The following FBXO24 variants were observed in gnomAD, a reference collection of about 807,000 sequenced individuals.
The protein encoded by FBXO24 is F-box only protein 24.
FBXO24 carries 30 observed loss-of-function variants against 63.5 expected under a neutral mutation model. The observed-to-expected ratio is 0.47, with a 90% confidence interval of 0.35 to 0.64. The LOEUF (loss-of-function observed/expected upper bound fraction) is 0.64. FBXO24 is among the 30% of genes least tolerant of loss of function. The pLI is 0.00. For synonymous variants in FBXO24, 300 were observed against 305.0 expected, an observed-to-expected ratio of 0.98 and a Z score of 0.17; for missense variants, 624 against 763.4, an observed-to-expected ratio of 0.82 and a Z score of 2.15.
Position 100,586,649 on chromosome 7 carries a change from G to C in FBXO24, c.24G>C (p.Leu8Phe), listed in dbSNP as rs1801766949. ...GCATGGGCGAGAAGGCGGTCCCTTT[G>C]CTAAGGAGGAGGCGGGTGAGCTAGA... MGEKAVP[L>F]LRRRRVKRSC... Residue 8 changes from leucine to phenylalanine, a missense_variant, in exon 1 of 10, where the codon TTG becomes TTC. Leu to Phe is a conservative substitution (Grantham distance 22). This residue lies in a region of FBXO24 where 391 missense variants were observed against 469.1 expected (regional missense o/e 0.83). Coordinates refer to ENST00000241071, the MANE Select transcript of FBXO24 (RefSeq NM_033506.3). The C allele has an allele frequency of 1.2e-6, 2 of 1,614,228 alleles. No individual in the cohort carries two copies. The highest frequency in any genetic ancestry group is 1.7e-6 in the Non-Finnish European group (2 of 1,180,018).
chr7:100,595,059 T>C (rs991055920), intron 6 of FBXO24, 43 bp from the exon 7 acceptor site: 2 of 1,609,932 alleles, frequency 1.2e-6, no homozygotes, highest in African/African-American at 2.7e-5. Flanking sequence ...CCCTAGGAAA[T>C]GGGTGCCCAA....
In FBXO24 at chr7:100,600,509, T is replaced by C. The variant is rs1409006438; in HGVS notation, c.1378-25T>C. 1.3e-6 allele frequency: 2 copies of C among 1,530,252 alleles called. No individual in the cohort carries two copies. The highest frequency in any genetic ancestry group is 4.5e-5 in the East Asian group (2 of 44,210). The allele number at this position is 1,530,252 out of a possible 1,614,324, so 94.8% of individuals were successfully genotyped here. The stretch of plus-strand genomic sequence containing the variant: ...CTGCAAGGAAAGCACCACTCAGCCA[T>C]GCCCCCTTTCTCTCCTCCTCCAAGG... On this transcript the variant is annotated intron_variant, in intron 9 of 9. Coordinates refer to ENST00000241071, the MANE Select transcript of FBXO24 (RefSeq NM_033506.3). The surrounding 1 kb of genome is among the most constrained non-coding windows in gnomAD (Gnocchi z 6.3).
chr7:100,599,967 T>TTC, intron 8 of FBXO24, 64 bp from the exon 9 acceptor site: 1 of 1,496,760 alleles, frequency 6.7e-7, no homozygotes. Flanking sequence ...GTCAACCTTT[T>TTC]CCCACCCCAG....
chr7:100,597,913 C>T lies in FBXO24; in HGVS notation c.1207-2118C>T, dbSNP rs1467545775. Among the ~76,000 whole-genome samples the T allele has an allele frequency of 3.5e-5, 5 of 143,420 alleles. No homozygotes were observed. In the Admixed American group the frequency reaches 3.5e-4, roughly 10 times the overall value. The allele number at this position is 143,420 out of a possible 152,430, so 94.1% of individuals were successfully genotyped here. Reference sequence around the variant, plus strand: ...TTTTTGTTTTTTTTTTTTTTAGAGACAGGGTCTTGCTATGTTGCCCAAGCT... The same window carrying T: ...TTTTTGTTTTTTTTTTTTTTAGAGATAGGGTCTTGCTATGTTGCCCAAGCT... On this transcript the variant is annotated intron_variant, in intron 8 of 9. Transcript: ENST00000241071.
In FBXO24 at chr7:100,599,820, A is replaced by G. The variant is rs556773084; in HGVS notation, c.1207-211A>G. ...CTGATTTTCTGGGGGCATAGATGAGATACCAACAGAAGTGCAAGACCCTAT... is the reference window on the plus strand; with the variant it reads ...CTGATTTTCTGGGGGCATAGATGAGGTACCAACAGAAGTGCAAGACCCTAT... On this transcript the variant is annotated intron_variant, in intron 8 of 9. Transcript: ENST00000241071. The G allele has an allele frequency of 3.2e-4, 183 of 578,706 alleles. No homozygotes were observed. In the African/African-American group the frequency reaches 3.3e-3, roughly 10 times the overall value. 35.8% of individuals were successfully genotyped at this position (578,706 alleles called of 1,614,324 possible).
intron 8 of FBXO24, among the ~76,000 whole-genome samples, chr7:100,596,934 C>T (rs969333254): frequency 4.0e-5 from 6 of 151,870 alleles, no homozygotes; most frequent in Non-Finnish European, 7.4e-5. Flanking sequence ...CCCAGCTACT[C>T]GGGAGTCTGA....
rs57249602 is a variant in FBXO24, at chr7:100,595,856, C to A, written c.1206+150C>A. On this transcript the variant is annotated intron_variant, in intron 8 of 9. Coordinates refer to ENST00000241071, the MANE Select transcript of FBXO24 (RefSeq NM_033506.3). ...CAGTATGTAATGCCAGTGGTACTAC[C>A]CCATGTCTTACCCAGGGTTGGCACT... The A allele has an allele frequency of 1.4e-3, 1,556 of 1,100,890 alleles. 25 individuals are homozygous for A. In the African/African-American group the frequency reaches 0.023, roughly 16 times the overall value. 68.2% of individuals were successfully genotyped at this position (1,100,890 alleles called of 1,614,324 possible).
chr7:100,586,880 C>T (rs1310286593), intron 1 of FBXO24: 8 of 440,148 alleles, frequency 1.8e-5, no homozygotes, highest in Non-Finnish European at 3.1e-5. Context: ...ACTGTGAAGC[C>T]TCTGGCAGGG....
At chr7:100,591,602 A>C (rs1222767238) in intron 3 of FBXO24, 65 bp from the exon 4 acceptor site, 1 of 1,490,062 alleles carries the variant, frequency 6.7e-7, no homozygotes, top group Non-Finnish European at 9.3e-7. Flanking sequence ...AATCTACCCA[A>C]GCTCCAACTC....
intron 8 of FBXO24, among the ~76,000 whole-genome samples, chr7:100,597,521 C>A (rs1478260366): frequency 2.6e-5 from 4 of 151,898 alleles, no homozygotes; most frequent in African/African-American, 9.7e-5. Flanking sequence ...CCTCAGCCTG[C>A]CAAGATGGGA....
intron 1 of FBXO24, among the ~76,000 whole-genome samples, chr7:100,587,273 C>A (rs990140816): frequency 1.3e-5 from 2 of 151,806 alleles, no homozygotes; most frequent in African/African-American, 4.8e-5. Flanking sequence ...TTCCTCCCTC[C>A]CTCCCTCTCC....
rs1801951488 is a variant in FBXO24 at position 100,590,285 on chromosome 7, C to T, written c.250C>T (p.Arg84Cys). The T allele has an allele frequency of 3.1e-6, 5 of 1,614,196 alleles. No homozygotes were observed. Among genetic ancestry groups the T allele is most frequent in the Non-Finnish European group, 3.4e-6 (4 of 1,180,030 alleles). The change falls in exon 3 of 10, where the codon CGC becomes TGC. Residue 84 changes from arginine to cysteine, a missense_variant. Arg to Cys is a radical substitution (Grantham distance 180). Around this residue, in one of 3 missense-constraint regions of FBXO24, gnomAD observed 391 missense variants for 469.1 expected, o/e 0.83. Coordinates refer to ENST00000241071, the MANE Select transcript of FBXO24 (RefSeq NM_033506.3). ...DGEGVWRRIC[R>C]RLSPRLQDQG... ...GGAAGGCGTGTGGAGACGCATCTGT[C>T]GCAGACTCAGTCCGCGCCTCCAAGA... is the stretch of plus-strand genomic sequence containing the variant.
chr7:100,591,364 C>G (rs1358755972), intron 3 of FBXO24, among the ~76,000 whole-genome samples: 1 of 152,042 alleles, frequency 6.6e-6, no homozygotes, highest in Non-Finnish European at 1.5e-5. Flanking sequence ...CCGCACGCAG[C>G]CTCTGTGTCT....
rs1053840208 is a variant in FBXO24 at position 100,586,480 on chromosome 7, G to C, written c.-146G>C. 3 of 831,170 alleles carry C rather than the reference G, an allele frequency of 3.6e-6. No homozygotes were observed. Among genetic ancestry groups the C allele is most frequent in the Non-Finnish European group, 5.9e-6 (3 of 506,544 alleles). 51.5% of individuals were successfully genotyped at this position (831,170 alleles called of 1,614,324 possible). A position where few individuals can be genotyped will look rare whatever the true frequency, so the allele number is the denominator to read the frequency against. On this transcript the variant is annotated 5_prime_UTR_variant, in exon 1 of 10. Transcript: ENST00000241071. ...TAGCAGGAAAACGGGCCGAGGGACC[G>C]CAAGCAGGGGGTGCCTAGTCCTCGT...
rs149880870 is a variant in FBXO24, at chr7:100,589,548, G to C, written c.40-429G>C. On this transcript the variant is annotated intron_variant, in intron 1 of 9. Coordinates refer to ENST00000241071, the MANE Select transcript of FBXO24 (RefSeq NM_033506.3). Reference sequence around the variant, plus strand: ...ACAGGTCACAGTGGCCAAACAGTGAGGTCACAGAGAGGTTTGTTAGCCCCA... The same window carrying C: ...ACAGGTCACAGTGGCCAAACAGTGACGTCACAGAGAGGTTTGTTAGCCCCA... The C allele has an allele frequency of 1.4e-4, 192 of 1,415,966 alleles. 1 individual carries two copies. The East Asian group carries it at 4.9e-3, about 36-fold the overall frequency. 87.7% of individuals were successfully genotyped at this position (1,415,966 alleles called of 1,614,324 possible).
chr7:100,598,522 A>G (rs1251476899), intron 8 of FBXO24, among the ~76,000 whole-genome samples: 1 of 152,132 alleles, frequency 6.6e-6, no homozygotes, highest in African/African-American at 2.4e-5. Context: ...TGCTGGATAG[A>G]CTGGCTGTGG....
chr7:100,594,265 T>C lies in FBXO24; in HGVS notation c.794-118T>C. 8.7e-7 allele frequency: 1 copy of C among 1,148,376 alleles called. No individual in the cohort carries two copies. The highest frequency in any genetic ancestry group is 1.2e-6 in the Non-Finnish European group (1 of 825,104). 71.1% of individuals were successfully genotyped at this position (1,148,376 alleles called of 1,614,324 possible). On this transcript the variant is annotated intron_variant, in intron 5 of 9. Transcript: ENST00000241071. This position sits in a 1 kb window ranked among gnomAD's most constrained non-coding sequence, Gnocchi z 4.2. The stretch of plus-strand genomic sequence containing the variant: ...TGGGGTCACTCTTCCCTTATTTCTT[T>C]CTCAGCCCCACTCTAGGGCAGTAAA...
At chr7:100,598,414 G>A (rs1584433600) in intron 8 of FBXO24, among the ~76,000 whole-genome samples, 1 of 152,108 alleles carries the variant, frequency 6.6e-6, no homozygotes, top group African/African-American at 2.4e-5. Context: ...GAATGAGGGG[G>A]CAGAAGACGC....
chr7:100,593,341 C>T (rs527519810), intron 5 of FBXO24, among the ~76,000 whole-genome samples: 31 of 151,880 alleles, frequency 2.0e-4, no homozygotes, highest in Admixed American at 7.2e-4. Context: ...CTAAAAAATA[C>T]AAAAATTAGG....
Sources: allele counts gnomAD v4.1 joint callset (sites outside exome capture counted in the v4.1 genomes callset), GRCh38; gene constraint gnomAD v4.1.1; regional missense constraint gnomAD v4.1.1; non-coding constraint Gnocchi (gnomAD v3.1); transcripts MANE v1.5; gene names NCBI Gene and HGNC (gene_info 2026-07-23, HGNC 2026-07-21).